Variants in OTUB2 observed in about 807,000 individuals in gnomAD.
The protein encoded by OTUB2 is OTU deubiquitinase, ubiquitin aldehyde binding 2.
Under a neutral mutation model 25.1 loss-of-function variants are expected in OTUB2, and 21 were observed. The ratio of observed to expected loss-of-function variants is 0.84; its 90% CI spans 0.59 to 1.21. The LOEUF (loss-of-function observed/expected upper bound fraction) is 1.21, where lower values mean the gene tolerates loss of function less well. OTUB2 is among the 50% of genes most tolerant of loss of function. The pLI, the probability that OTUB2 is intolerant of heterozygous loss-of-function variation, is 0.00. For synonymous variants in OTUB2, 122 were observed against 122.8 expected (o/e 0.99, Z 0.04); for missense variants, 283 against 298.0 (o/e 0.95, Z 0.37).
intron 1 of OTUB2, among the ~76,000 whole-genome samples, chr14:94,035,286 C>CTTTTTTTTTTTTTTTTT (rs761154708): frequency 5.5e-4 from 57 of 104,034 alleles, no homozygotes; most frequent in East Asian, 9.0e-4. Context: ...TTTTTCTTTT[C>CTTTTTTTTTTTTTTTTT]TTTTTTTTTT....
At chr14:94,028,929 G>A (rs971641295) in intron 1 of OTUB2, among the ~76,000 whole-genome samples, 11 of 152,210 alleles carry the variant, frequency 7.2e-5, no homozygotes, top group Non-Finnish European at 1.2e-4. Context: ...TCCTTTTGGC[G>A]GGTGCGGGGG....
Position 94,044,508 on chromosome 14 carries a change from G to GGGAGGGAGC in OTUB2, c.304-69_304-61dup, listed in dbSNP as rs1190855770. ...AATGCACGTGAGGGCTTCACGCGAA[G>GGGAGGGAGC]GGAGGGAGCGGAGGGAGAATGCAGA... On this transcript the variant is annotated intron_variant, in intron 4 of 5. Transcript: ENST00000203664. 9 of 1,430,226 alleles carry GGGAGGGAGC rather than the reference G, an allele frequency of 6.3e-6. No homozygotes were observed. In the East Asian group the frequency reaches 9.2e-5, roughly 15 times the overall value. The allele number at this position is 1,430,226 out of a possible 1,614,324, so 88.6% of individuals were successfully genotyped here. A position where few individuals can be genotyped will look rare whatever the true frequency, so the allele number is the denominator to read the frequency against.
chr14:94,029,492 C>T (rs1380223484), intron 1 of OTUB2, among the ~76,000 whole-genome samples: 4 of 152,170 alleles, frequency 2.6e-5, no homozygotes, highest in South Asian at 2.1e-4. Context: ...TTGATCTTCA[C>T]GTGGTGTTCT....
chr14:94,048,008 CCT>C lies in OTUB2; in HGVS notation c.*2087_*2088del, dbSNP rs1270261667. 2 of 152,224 alleles carry C rather than the reference CCT, an allele frequency of 1.3e-5. No individual in the cohort carries two copies. Among genetic ancestry groups the C allele is most frequent in the African/African-American group, 4.8e-5 (2 of 41,442 alleles). The allele number at this position is 152,224 out of a possible 1,614,324, so 9.4% of individuals were successfully genotyped here. ...TCATGGTCTTACCCTCTGCTTTTCC[CCT>C]TTTTGCAAAAAACCACTGGCCAAAT... On this transcript the variant is annotated 3_prime_UTR_variant, in exon 6 of 6. Coordinates refer to ENST00000203664, the MANE Select transcript of OTUB2 (RefSeq NM_023112.4).
intron 4 of OTUB2, 88 bp downstream of exon 4, chr14:94,044,143 T>C: frequency 1.5e-6 from 2 of 1,311,894 alleles, no homozygotes; most frequent in Non-Finnish European, 2.2e-6. Context: ...ACAGCTCTGC[T>C]CCTCCTGGCT....
At chr14:94,028,454 C>T (rs1473184009) in intron 1 of OTUB2, among the ~76,000 whole-genome samples, 1 of 152,228 alleles carries the variant, frequency 6.6e-6, no homozygotes, top group Non-Finnish European at 1.5e-5. Flanking sequence ...GTGGAAGACA[C>T]AAAGACACTT....
At chr14:94,042,497 G>A (rs1885182419) in intron 3 of OTUB2, among the ~76,000 whole-genome samples, 2 of 151,722 alleles carry the variant, frequency 1.3e-5, no homozygotes, top group African/African-American at 2.4e-5. Flanking sequence ...TTGGGGGTGG[G>A]AGGGGGGGCA....
Position 94,046,286 on chromosome 14 carries a change from CA to C in OTUB2, c.*365del. On this transcript the variant is annotated 3_prime_UTR_variant, in exon 6 of 6. Coordinates refer to ENST00000203664, the MANE Select transcript of OTUB2 (RefSeq NM_023112.4). Reference sequence around the variant, plus strand: ...AATGGGGCCTCTGGTGTCTCTTTACCAGGGGCAGTGCCTCTCTGCGGGGGAG... The same window carrying C: ...AATGGGGCCTCTGGTGTCTCTTTACCGGGGCAGTGCCTCTCTGCGGGGGAG... The C allele has an allele frequency of 5.9e-6, 2 of 339,410 alleles. No individual in the cohort carries two copies. Among genetic ancestry groups the C allele is most frequent in the Admixed American group, 4.2e-5 (1 of 23,770 alleles). The allele number at this position is 339,410 out of a possible 1,614,324, so 21.0% of individuals were successfully genotyped here.
At chr14:94,031,766 C>G (rs1004911189) in intron 1 of OTUB2, among the ~76,000 whole-genome samples, 1 of 152,176 alleles carries the variant, frequency 6.6e-6, no homozygotes, top group African/African-American at 2.4e-5. Context: ...TATTCCTCCA[C>G]GCAAGCTGCT....
At position 94,026,430 on chromosome 14, in the gene OTUB2, G is replaced by A. The variant is rs1884859635; in HGVS notation, c.-108G>A. Reference sequence around the variant, plus strand: ...TTCTCCGCCGCCCCCACGCCCTCGAGGTCCCCGCCACCGAACCAGCGGCGG... The same window carrying A: ...TTCTCCGCCGCCCCCACGCCCTCGAAGTCCCCGCCACCGAACCAGCGGCGG... On this transcript the variant is annotated 5_prime_UTR_variant, in exon 1 of 6. Transcript: ENST00000203664. 1.5e-6 allele frequency: 2 copies of A among 1,297,382 alleles called. No individual in the cohort carries two copies. Among genetic ancestry groups the A allele is most frequent in the South Asian group, 2.2e-5 (1 of 44,880 alleles). 80.4% of individuals were successfully genotyped at this position (1,297,382 alleles called of 1,614,324 possible). A position where few individuals can be genotyped will look rare whatever the true frequency, so the allele number is the denominator to read the frequency against.
chr14:94,040,888 G>A (rs928722726), intron 3 of OTUB2, among the ~76,000 whole-genome samples: 1 of 152,244 alleles, frequency 6.6e-6, no homozygotes, highest in Non-Finnish European at 1.5e-5. Context: ...AGCAGGGTTG[G>A]AGAGGTAAGG....
Position 94,047,169 on chromosome 14 carries a change from T to C in OTUB2, c.*1247T>C, listed in dbSNP as rs1221295813. ...AAGAGGAAATGGAAAATGCAGGGTG[T>C]GGAATTGCCCTTTGGGGTCCTTCCT... On this transcript the variant is annotated 3_prime_UTR_variant, in exon 6 of 6. Coordinates refer to ENST00000203664, the MANE Select transcript of OTUB2 (RefSeq NM_023112.4). 6.6e-6 allele frequency: 1 copy of C among 152,186 alleles called. No individual in the cohort carries two copies. The highest frequency in any genetic ancestry group is 2.4e-5 in the African/African-American group (1 of 41,432). 9.4% of individuals were successfully genotyped at this position (152,186 alleles called of 1,614,324 possible).
Position 94,048,411 on chromosome 14 carries a change from C to CA in OTUB2, c.*2492dup, listed in dbSNP as rs1289848028. ...TTTGACTGGGTTCCTATTTTAAGCA[C>CA]AAATGAGAGCTCTGGAGCCAGAATG... On this transcript the variant is annotated 3_prime_UTR_variant, in exon 6 of 6. Transcript: ENST00000203664. 1 of 152,178 alleles carries CA rather than the reference C, an allele frequency of 6.6e-6. No homozygotes were observed. The highest frequency in any genetic ancestry group is 2.4e-5 in the African/African-American group (1 of 41,440). The allele number at this position is 152,178 out of a possible 1,614,324, so 9.4% of individuals were successfully genotyped here. A position where few individuals can be genotyped will look rare whatever the true frequency, so the allele number is the denominator to read the frequency against.
At chr14:94,034,734 C>T (rs1077948) in intron 1 of OTUB2, among the ~76,000 whole-genome samples, 34,521 of 152,116 alleles carry the variant, frequency 0.23, 4,059 homozygotes, top group East Asian at 0.36. Context: ...TTCAGCCTCA[C>T]GCTCGCAGGA....
chr14:94,042,999 G>A (rs1004353167), intron 3 of OTUB2, among the ~76,000 whole-genome samples: 3 of 152,198 alleles, frequency 2.0e-5, no homozygotes, highest in Non-Finnish European at 4.4e-5. Context: ...TCCTGGCCCA[G>A]GCAGGACTGT....
In OTUB2 at chr14:94,045,790, G is replaced by A. The variant is rs552429905; in HGVS notation, c.573G>A (p.Leu191=). ...TALSQALSIA[L]QVEYVDEMDT... ...TGTCGCAGGCCCTGAGCATTGCCCT[G>A]CAAGTGGAGTACGTGGACGAGATGG... Residue 191 remains leucine (L), a synonymous_variant, in exon 6 of 6, where the codon CTG becomes CTA. Coordinates refer to ENST00000203664, the MANE Select transcript of OTUB2 (RefSeq NM_023112.4). 3.7e-6 allele frequency: 6 copies of A among 1,614,216 alleles called. No individual in the cohort carries two copies. Among genetic ancestry groups the A allele is most frequent in the Non-Finnish European group, 5.1e-6 (6 of 1,180,044 alleles).
chr14:94,045,713 C>T lies in OTUB2; in HGVS notation c.499-3C>T. On this transcript the variant is annotated splice_region_variant and splice_polypyrimidine_tract_variant and intron_variant, in intron 5 of 5. Coordinates refer to ENST00000203664, the MANE Select transcript of OTUB2 (RefSeq NM_023112.4). ...TGGCTTGTTTTCATTTTGGCCCCTG[C>T]AGGAAGTAGAGCCCATGGCCACGGA... 6.2e-7 allele frequency: 1 copy of T among 1,613,808 alleles called. No individual in the cohort carries two copies. Among genetic ancestry groups the T allele is most frequent in the Non-Finnish European group, 8.5e-7 (1 of 1,179,774 alleles).
In OTUB2 at chr14:94,043,954, G is replaced by A. The variant is rs762691944; in HGVS notation, c.219-17G>A. The stretch of plus-strand genomic sequence containing the variant: ...CGCTGTGTTTCCCTGTAAACACTCA[G>A]TCTTCCCCCTCTGTAGGTTCAAAGA... On this transcript the variant is annotated splice_polypyrimidine_tract_variant and intron_variant, in intron 3 of 5. Coordinates refer to ENST00000203664, the MANE Select transcript of OTUB2 (RefSeq NM_023112.4). 2 of 1,611,790 alleles carry A rather than the reference G, an allele frequency of 1.2e-6. No homozygotes were observed. Among genetic ancestry groups the A allele is most frequent in the Admixed American group, 1.7e-5 (1 of 60,026 alleles).
At position 94,044,769 on chromosome 14, in the gene OTUB2, T is replaced by TTC; in HGVS notation, c.489_490dup (p.Cys164SerfsTer6). On this transcript the variant is annotated frameshift_variant, in exon 5 of 6. Coordinates refer to ENST00000203664, the MANE Select transcript of OTUB2 (RefSeq NM_023112.4). LOFTEE classifies it high-confidence loss of function. ...TGATGAGGAGATGGACATCAAAGAC[T>TTC]TCTGCACTCACGTAGGTGCTTGGGG... 1.2e-6 allele frequency: 2 copies of TTC among 1,612,582 alleles called. No homozygotes were observed. Among genetic ancestry groups the TTC allele is most frequent in the Non-Finnish European group, 8.5e-7 (1 of 1,179,782 alleles).
Sources: gnomAD v4.1 joint callset for allele counts (sites outside exome capture counted in the v4.1 genomes callset) on GRCh38, gnomAD v4.1.1 for gene constraint, MANE v1.5 for transcripts, NCBI Gene and HGNC (gene_info 2026-07-23, HGNC 2026-07-21) for gene names.